DLGAP1: variants seen among roughly 807,000 people sequenced by gnomAD.
The protein encoded by DLGAP1 is DLG associated protein 1.
DLGAP1 carries 11 observed loss-of-function variants against 90.8 expected under a neutral mutation model. That is an observed-to-expected ratio of 0.12 (90% confidence interval 0.08 to 0.20). The LOEUF (loss-of-function observed/expected upper bound fraction) is 0.20. DLGAP1 is among the 10% of genes least tolerant of loss of function. DLGAP1 has a pLI of 1.00. For missense variants in DLGAP1, 1,050 were observed against 1,333.8 expected, an observed-to-expected ratio of 0.79 and a Z score of 3.31; for synonymous variants, 558 against 540.7, an observed-to-expected ratio of 1.03 and a Z score of -0.44.
At chr18:3,776,198 G>C (rs183076932) in intron 5 of DLGAP1, among the ~76,000 whole-genome samples, 73 of 152,312 alleles carry the variant, frequency 4.8e-4, no homozygotes, top group Admixed American at 1.3e-3. Context: ...ATGGAAAACA[G>C]CATTCAGAAA....
intron 1 of DLGAP1, among the ~76,000 whole-genome samples, chr18:4,273,823 T>C (rs1484520849): frequency 6.6e-6 from 1 of 152,248 alleles, no homozygotes; most frequent in African/African-American, 2.4e-5. Flanking sequence ...TTTCTTACAA[T>C]GCTTTTTTAA....
intron 9 of DLGAP1, among the ~76,000 whole-genome samples, chr18:3,541,567 GT>G (rs972455040): frequency 2.0e-5 from 3 of 152,212 alleles, no homozygotes; most frequent in African/African-American, 7.2e-5. Flanking sequence ...AAGAAGCAAT[GT>G]TTTTTGATTG....
At chr18:4,434,084 G>T (rs906170386) in intron 1 of DLGAP1, among the ~76,000 whole-genome samples, 1 of 151,940 alleles carries the variant, frequency 6.6e-6, no homozygotes, top group Non-Finnish European at 1.5e-5. Context: ...AACCCAAAAG[G>T]TATCCCTTTC....
intron 7 of DLGAP1, among the ~76,000 whole-genome samples, chr18:3,625,146 C>T (rs1157427245): frequency 6.6e-6 from 1 of 152,324 alleles, no homozygotes; most frequent in Non-Finnish European, 1.5e-5. Flanking sequence ...CTTCACAGCC[C>T]CCTTCATAGA....
intron 3 of DLGAP1, among the ~76,000 whole-genome samples, chr18:3,990,707 GA>G (rs1368739194): frequency 6.6e-6 from 1 of 150,536 alleles, no homozygotes; most frequent in Non-Finnish European, 1.5e-5. Flanking sequence ...AGTATTAAAA[GA>G]AGAATAACCA....
chr18:4,333,776 C>A (rs541482699), intron 1 of DLGAP1, among the ~76,000 whole-genome samples: 2 of 151,152 alleles, frequency 1.3e-5, no homozygotes, highest in South Asian at 4.2e-4. Flanking sequence ...CCCACCACCA[C>A]GCCCGGCTAT....
chr18:3,506,729 T>C (rs2050249535), intron 11 of DLGAP1, among the ~76,000 whole-genome samples: 1 of 152,212 alleles, frequency 6.6e-6, no homozygotes, highest in African/African-American at 2.4e-5. Flanking sequence ...CTTATGTACC[T>C]ATTCTTCATG....
At chr18:4,438,946 C>T (rs541496316) in intron 1 of DLGAP1, among the ~76,000 whole-genome samples, 3 of 152,240 alleles carry the variant, frequency 2.0e-5, no homozygotes, top group Non-Finnish European at 4.4e-5. Context: ...GGGAGGAGCA[C>T]GTTATATGCT....
chr18:3,956,813 G>T (rs976320652), intron 3 of DLGAP1, among the ~76,000 whole-genome samples: 1 of 152,016 alleles, frequency 6.6e-6, no homozygotes, highest in African/African-American at 2.4e-5. Context: ...ACCACACCTG[G>T]CTAATTTTTG....
Position 4,151,240 on chromosome 18 carries a change from G to C in DLGAP1, c.-219C>G, listed in dbSNP as rs564793647. 17 of 152,152 alleles carry C rather than the reference G, an allele frequency of 1.1e-4. No individual in the cohort carries two copies. Among genetic ancestry groups the C allele is most frequent in the African/African-American group, 3.9e-4 (16 of 41,506 alleles). 9.4% of individuals were successfully genotyped at this position (152,152 alleles called of 1,614,324 possible). A position where few individuals can be genotyped will look rare whatever the true frequency, so the allele number is the denominator to read the frequency against. ...AGTCAGGAAAAGATCCAAATTGCAG[G>C]CTTTTTTTTAACCTGATGTCACTCT... On this transcript the variant is annotated 5_prime_UTR_variant, in exon 2 of 13. Transcript: ENST00000315677.
intron 1 of DLGAP1, among the ~76,000 whole-genome samples, chr18:4,317,401 C>A (rs1202441184): frequency 6.6e-6 from 1 of 152,150 alleles, no homozygotes; most frequent in Non-Finnish European, 1.5e-5. Context: ...AGAAAAAAAT[C>A]AGATCCATGA....
At chr18:3,757,395 C>T (rs753788195) in intron 5 of DLGAP1, among the ~76,000 whole-genome samples, 5 of 151,948 alleles carry the variant, frequency 3.3e-5, no homozygotes, top group Admixed American at 6.6e-5. Context: ...GGTGACAGAG[C>T]GAGACTCCAC....
intron 2 of DLGAP1, among the ~76,000 whole-genome samples, 195 bp downstream of exon 2, chr18:4,150,985 G>T (rs935136286): frequency 6.6e-6 from 1 of 152,146 alleles, no homozygotes; most frequent in Admixed American, 6.5e-5. Flanking sequence ...ATTCTGTACA[G>T]GTAGCTAGGA....
chr18:3,864,412 G>A (rs2070266479), intron 4 of DLGAP1, among the ~76,000 whole-genome samples: 1 of 152,144 alleles, frequency 6.6e-6, no homozygotes, highest in African/African-American at 2.4e-5. Flanking sequence ...TATGCATGGT[G>A]ATATGTTATA....
chr18:3,640,234 A>C (rs1217621928), intron 7 of DLGAP1, among the ~76,000 whole-genome samples: 1 of 152,184 alleles, frequency 6.6e-6, no homozygotes, highest in Non-Finnish European at 1.5e-5. Context: ...CTACTTAAGG[A>C]CTGCTGTGGG....
chr18:3,507,753 T>TTG (rs1262478028), intron 11 of DLGAP1, among the ~76,000 whole-genome samples: 1 of 146,986 alleles, frequency 6.8e-6, no homozygotes, highest in African/African-American at 2.5e-5. Flanking sequence ...TTTTTTTTTT[T>TTG]TTTTGGAGAT....
chr18:4,143,026 C>G (rs1466532390), intron 2 of DLGAP1, among the ~76,000 whole-genome samples: 3 of 152,320 alleles, frequency 2.0e-5, no homozygotes, highest in Admixed American at 6.5e-5. Context: ...ACAAGCTCAC[C>G]TGTGGCCGCC....
At chr18:3,854,533 T>C (rs1489675385) in intron 4 of DLGAP1, among the ~76,000 whole-genome samples, 4 of 152,226 alleles carry the variant, frequency 2.6e-5, no homozygotes, top group African/African-American at 9.6e-5. Flanking sequence ...TGGAAAATTA[T>C]AGTAATAAAC....
chr18:4,168,524 C>T (rs2076970028), intron 1 of DLGAP1, among the ~76,000 whole-genome samples: 1 of 152,092 alleles, frequency 6.6e-6, no homozygotes, highest in South Asian at 2.1e-4. Context: ...CAAACTAAAA[C>T]TTTATACCCA....
Sources: allele counts gnomAD v4.1 joint callset (sites outside exome capture counted in the v4.1 genomes callset), GRCh38; gene constraint gnomAD v4.1.1; transcripts MANE v1.5; gene names NCBI Gene and HGNC (gene_info 2026-07-23, HGNC 2026-07-21).